Variants in ADGRL2 observed in about 807,000 individuals in gnomAD.
The protein encoded by ADGRL2 is adhesion G protein-coupled receptor L2, also known as calcium-independent alpha-latrotoxin receptor 2.
Under a neutral mutation model 157.4 loss-of-function variants are expected in ADGRL2, and 44 were observed. The observed-to-expected ratio is 0.28, with a 90% confidence interval of 0.22 to 0.36. The LOEUF is 0.36. Among genes scored for constraint, ADGRL2 ranks in the 10% least tolerant of loss-of-function variants. The pLI is 1.00. For missense variants in ADGRL2, 1,510 were observed against 1,768.9 expected (o/e 0.85, Z 2.63); for synonymous variants, 585 against 624.7 (o/e 0.94, Z 0.95).
intron 3 of ADGRL2, among the ~76,000 whole-genome samples, chr1:81,629,252 T>C (rs1165727585): frequency 6.6e-6 from 1 of 152,200 alleles, no homozygotes; most frequent in Non-Finnish European, 1.5e-5. Flanking sequence ...AAGAGGAAGA[T>C]GATAATACCA....
chr1:81,747,818 G>A (rs1385490765), intron 1 of ADGRL2, among the ~76,000 whole-genome samples: 1 of 150,632 alleles, frequency 6.6e-6, no homozygotes, highest in African/African-American at 2.4e-5. Flanking sequence ...CTTTTTATTG[G>A]ATTTTTTCAT....
chr1:81,793,822 T>C (rs925487533), intron 2 of ADGRL2, among the ~76,000 whole-genome samples: 1 of 152,122 alleles, frequency 6.6e-6, no homozygotes, highest in African/African-American at 2.4e-5. Flanking sequence ...AAAGTAAATA[T>C]TGAATAATTA....
intron 2 of ADGRL2, among the ~76,000 whole-genome samples, chr1:81,462,299 C>T (rs572412931): frequency 3.9e-5 from 6 of 152,334 alleles, no homozygotes; most frequent in African/African-American, 1.4e-4. Context: ...CAGCAGCAAC[C>T]TGCTCTGCTG....
intron 2 of ADGRL2, among the ~76,000 whole-genome samples, chr1:81,496,930 C>G (rs1246434485): frequency 6.6e-6 from 1 of 152,028 alleles, no homozygotes; most frequent in Non-Finnish European, 1.5e-5. Context: ...CTTTGTCCTC[C>G]CCTTTCTACC....
rs193222353 is a variant in ADGRL2, at chr1:81,914,745, A to G, written c.287+7515A>G. On this transcript the variant is annotated intron_variant, in intron 3 of 23. Transcript: ENST00000686636. ...CTCGTGGCCTAGTTGTTTCAAGACA[A>G]CTAACTGGTATTACAAGCACATCTC... Among the ~76,000 whole-genome samples, 155 of 152,308 alleles carry G rather than the reference A, an allele frequency of 1.0e-3. 1 individual carries two copies. Among genetic ancestry groups the G allele is most frequent in the African/African-American group, 3.6e-3 (149 of 41,574 alleles).
At chr1:81,469,503 G>C (rs1487733625) in intron 2 of ADGRL2, among the ~76,000 whole-genome samples, 1 of 152,042 alleles carries the variant, frequency 6.6e-6, no homozygotes, top group Non-Finnish European at 1.5e-5. Context: ...CAGATCAACT[G>C]TTATCCCTCT....
intron 2 of ADGRL2, among the ~76,000 whole-genome samples, chr1:81,890,095 A>G (rs962896817): frequency 6.6e-6 from 1 of 152,200 alleles, no homozygotes; most frequent in African/African-American, 2.4e-5. Context: ...CTGTCTCTGA[A>G]TTGAATCTTT....
intron 4 of ADGRL2, among the ~76,000 whole-genome samples, chr1:81,937,639 T>C (rs1391525075): frequency 1.3e-5 from 2 of 151,860 alleles, no homozygotes; most frequent in African/African-American, 2.4e-5. Context: ...TTGTCTTCTT[T>C]GCTTTTTAAA....
At chr1:81,495,811 T>G (rs2078718887) in intron 2 of ADGRL2, among the ~76,000 whole-genome samples, 1 of 152,308 alleles carries the variant, frequency 6.6e-6, no homozygotes, top group African/African-American at 2.4e-5. Context: ...TTGCTTAAAG[T>G]TATACAGAAA....
At chr1:81,804,306 A>T (rs953749285) in intron 1 of ADGRL2, among the ~76,000 whole-genome samples, 13 of 152,186 alleles carry the variant, frequency 8.5e-5, no homozygotes, top group African/African-American at 3.1e-4. Flanking sequence ...TTCTTCAGAC[A>T]TTCCGATTCT....
intron 2 of ADGRL2, among the ~76,000 whole-genome samples, chr1:81,477,279 T>TAC (rs766204084): frequency 0.58 from 88,316 of 152,134 alleles, 28,537 homozygotes; most frequent in Non-Finnish European, 0.73. Context: ...TAGGCTGTCA[T>TAC]ATCGTAAAGC....
chr1:81,965,609 A>C (rs1029421255), intron 11 of ADGRL2, among the ~76,000 whole-genome samples: 2 of 152,220 alleles, frequency 1.3e-5, no homozygotes, highest in Non-Finnish European at 2.9e-5. Flanking sequence ...AAAGTCATTC[A>C]AATTTGTACT....
At chr1:81,490,734 C>T (rs565303730) in intron 2 of ADGRL2, among the ~76,000 whole-genome samples, 4 of 152,262 alleles carry the variant, frequency 2.6e-5, no homozygotes, top group South Asian at 2.1e-4. Flanking sequence ...TTTTGGAAGG[C>T]GTCTTGGCAG....
intron 2 of ADGRL2, among the ~76,000 whole-genome samples, chr1:81,885,801 G>T (rs2094115238): frequency 6.6e-6 from 1 of 152,176 alleles, no homozygotes; most frequent in South Asian, 2.1e-4. Flanking sequence ...TAAGGGTTGA[G>T]ATTTCCATGA....
chr1:81,494,969 CAGAT>C (rs1004584225), intron 2 of ADGRL2, among the ~76,000 whole-genome samples: 19 of 152,112 alleles, frequency 1.2e-4, no homozygotes, highest in African/African-American at 3.9e-4. Flanking sequence ...ATTTGTGACA[CAGAT>C]AGATAACTAT....
chr1:81,875,356 T>C (rs1366359929), intron 2 of ADGRL2, among the ~76,000 whole-genome samples: 1 of 152,030 alleles, frequency 6.6e-6, no homozygotes, highest in Non-Finnish European at 1.5e-5. Flanking sequence ...GGATGAAAAA[T>C]ATATAGGAAA....
intron 2 of ADGRL2, among the ~76,000 whole-genome samples, chr1:81,854,915 ATG>A (rs2093150174): frequency 8.9e-6 from 1 of 112,692 alleles, no homozygotes; most frequent in Non-Finnish European, 2.1e-5. Flanking sequence ...CAGATGACTC[ATG>A]TGGAAGAGTT....
At chr1:81,854,169 A>T (rs896296327) in intron 2 of ADGRL2, among the ~76,000 whole-genome samples, 3 of 152,206 alleles carry the variant, frequency 2.0e-5, no homozygotes, top group Non-Finnish European at 4.4e-5. Flanking sequence ...TGAAGATTTT[A>T]TGAAAATGTT....
At chr1:81,497,203 C>G (rs571543882) in intron 2 of ADGRL2, among the ~76,000 whole-genome samples, 1 of 152,264 alleles carries the variant, frequency 6.6e-6, no homozygotes, top group Admixed American at 6.5e-5. Context: ...AATGTGTCAA[C>G]AAAAAGGTCT....
Sources: allele counts gnomAD v4.1 joint callset (sites outside exome capture counted in the v4.1 genomes callset), GRCh38; gene constraint gnomAD v4.1.1; transcripts MANE v1.5; gene names NCBI Gene and HGNC (gene_info 2026-07-23, HGNC 2026-07-21).